Variants in TRAPPC11 observed in about 807,000 individuals in gnomAD.
The protein encoded by TRAPPC11 is trafficking protein particle complex subunit 11.
Under a neutral mutation model 151.2 loss-of-function variants are expected in TRAPPC11, and 104 were observed. The ratio of observed to expected loss-of-function variants is 0.69; its 90% CI spans 0.59 to 0.81. TRAPPC11 has a LOEUF of 0.81. Among genes scored for constraint, TRAPPC11 ranks in the 30% least tolerant of loss-of-function variants. The probability of loss-of-function intolerance (pLI) is 0.00; values close to 1 mark genes in which losing one functional copy is unlikely to be tolerated. For missense variants in TRAPPC11, 1,230 were observed against 1,349.6 expected (o/e 0.91, Z 1.39); for synonymous variants, 456 against 472.3 (o/e 0.97, Z 0.45).
chr4:183,661,612 C>T (rs1734547797), intron 1 of TRAPPC11, among the ~76,000 whole-genome samples: 10 of 151,430 alleles, frequency 6.6e-5, no homozygotes, highest in South Asian at 4.2e-4. Context: ...ACCTTGTGAT[C>T]CGCCCGCCTC....
At chr4:183,710,488 AT>A (rs1737288996) in intron 29 of TRAPPC11, among the ~76,000 whole-genome samples, 1 of 151,394 alleles carries the variant, frequency 6.6e-6, no homozygotes, top group Non-Finnish European at 1.5e-5. Flanking sequence ...GGGTTTCACC[AT>A]GTTAGCCAGG....
At chr4:183,686,529 CT>C (rs1468854579) in intron 17 of TRAPPC11, 88 bp from the exon 18 acceptor site, 1 of 1,496,180 alleles carries the variant, frequency 6.7e-7, no homozygotes, top group Non-Finnish European at 9.1e-7. Context: ...GCAGATGTGT[CT>C]TTCTGAAGAA....
intron 1 of TRAPPC11, among the ~76,000 whole-genome samples, chr4:183,661,523 C>T (rs1224969184): frequency 6.6e-6 from 1 of 151,192 alleles, no homozygotes; most frequent in Non-Finnish European, 1.5e-5. Context: ...AGGCGCCCAC[C>T]ACCATACTCG....
At chr4:183,692,740 G>A (rs1348766758) in intron 19 of TRAPPC11, among the ~76,000 whole-genome samples, 2 of 152,132 alleles carry the variant, frequency 1.3e-5, no homozygotes, top group Non-Finnish European at 2.9e-5. Flanking sequence ...TCAGGTTAGT[G>A]TCTCTGTTTT....
intron 5 of TRAPPC11, among the ~76,000 whole-genome samples, chr4:183,668,569 T>A (rs558966724): frequency 2.0e-5 from 3 of 152,230 alleles, no homozygotes; most frequent in African/African-American, 7.2e-5. Flanking sequence ...TTGAGTGACA[T>A]GTATGTCCTT....
intron 5 of TRAPPC11, among the ~76,000 whole-genome samples, chr4:183,670,194 T>C (rs1182590881): frequency 1.3e-5 from 2 of 152,196 alleles, no homozygotes; most frequent in Non-Finnish European, 2.9e-5. Flanking sequence ...TTCGAGGTAT[T>C]ACCTATACAT....
At chr4:183,665,953 G>A (rs1013368844) in intron 2 of TRAPPC11, among the ~76,000 whole-genome samples, 6 of 120,390 alleles carry the variant, frequency 5.0e-5, no homozygotes, top group African/African-American at 1.8e-4. Flanking sequence ...TTTTTCTTTA[G>A]CAAAGTATTT....
chr4:183,677,424 C>A, intron 7 of TRAPPC11, 34 bp from the exon 8 acceptor site: 1 of 1,253,236 alleles, frequency 8.0e-7, no homozygotes, highest in Non-Finnish European at 1.2e-6. Flanking sequence ...GTTTATTAAA[C>A]TAATTTATAT....
rs779673117 is a variant in TRAPPC11 at position 183,684,737 on chromosome 4, G to T, written c.1463G>T (p.Trp488Leu). 53 of 1,613,830 alleles carry T rather than the reference G, an allele frequency of 3.3e-5. No individual in the cohort carries two copies. Among genetic ancestry groups the T allele is most frequent in the Non-Finnish European group, 3.1e-5 (37 of 1,179,932 alleles). Residue 488 changes from tryptophan (W) to leucine (L), a missense_variant, in exon 15 of 30, where the codon TGG becomes TTG. Transcript: ENST00000334690. The part of the protein sequence containing the change: ...YVMCDYRSEG[W>L]WTLLTSVLTT... ...ATGTGTGATTATCGGAGTGAAGGAT[G>T]GTGGACTCTGCTCACTTCTGTATTA...
chr4:183,711,224 T>C (rs1291738964), intron 29 of TRAPPC11, among the ~76,000 whole-genome samples: 1 of 152,170 alleles, frequency 6.6e-6, no homozygotes, highest in African/African-American at 2.4e-5. Flanking sequence ...TATTAAACTT[T>C]AGAGCTATGC....
At chr4:183,685,485 A>G in intron 17 of TRAPPC11, 82 bp downstream of exon 17, 2 of 1,462,604 alleles carry the variant, frequency 1.4e-6, no homozygotes, top group Admixed American at 3.9e-5. Context: ...TAATAAATAT[A>G]AAAGTCAAGA....
In TRAPPC11 at chr4:183,694,007, T is replaced by C. The variant is rs753861338; in HGVS notation, c.2477T>C (p.Ile826Thr). Residue 826 changes from isoleucine to threonine, a missense_variant, in exon 22 of 30, where the codon ATT (isoleucine) becomes ACT (threonine). Coordinates refer to ENST00000334690, the MANE Select transcript of TRAPPC11 (RefSeq NM_021942.6). Reference protein sequence around the residue: ...DESYPALLTDIPVGDLHPGEQ... With the variant: ...DESYPALLTDTPVGDLHPGEQ... ...TCCTACCCGGCTTTACTCACTGACATTCCTGTTGGAGACTTACATCCAGGG... is the reference window on the plus strand; with the variant it reads ...TCCTACCCGGCTTTACTCACTGACACTCCTGTTGGAGACTTACATCCAGGG... The C allele has an allele frequency of 6.2e-7, 1 of 1,614,044 alleles. No individual in the cohort carries two copies. Among genetic ancestry groups the C allele is most frequent in the Non-Finnish European group, 8.5e-7 (1 of 1,179,880 alleles).
intron 26 of TRAPPC11, among the ~76,000 whole-genome samples, chr4:183,702,836 A>G (rs2111090774): frequency 6.6e-6 from 1 of 152,302 alleles, no homozygotes; most frequent in Non-Finnish European, 1.5e-5. Flanking sequence ...AATAAAATGT[A>G]TTACTTAAAA....
chr4:183,708,438 A>T lies in TRAPPC11; in HGVS notation c.3221A>T (p.Gln1074Leu). The change falls in exon 29 of 30, where the codon CAG (glutamine) becomes CTG (leucine). Residue 1074 changes from glutamine to leucine, a missense_variant. Coordinates refer to ENST00000334690, the MANE Select transcript of TRAPPC11 (RefSeq NM_021942.6). ...TTACGTATCCTCCCTGGCACGGAGC[A>T]GGAAATGCTATATAATTTCTATCCT... The part of the protein sequence containing the change: ...IRLRILPGTE[Q>L]EMLYNFYPLM... The T allele has an allele frequency of 1.9e-6, 3 of 1,613,950 alleles. No homozygotes were observed. Among genetic ancestry groups the T allele is most frequent in the Non-Finnish European group, 2.5e-6 (3 of 1,179,956 alleles).
At chr4:183,685,177 A>G (rs749271484) in intron 16 of TRAPPC11, 32 bp downstream of exon 16, 2 of 1,612,170 alleles carry the variant, frequency 1.2e-6, no homozygotes, top group East Asian at 2.2e-5. Flanking sequence ...AGAGTGTGTT[A>G]TTAGGAATAT....
chr4:183,704,913 G>C (rs142366070), intron 26 of TRAPPC11, 66 bp from the exon 27 acceptor site: 241 of 1,040,158 alleles, frequency 2.3e-4, no homozygotes, highest in African/African-American at 2.2e-3. Context: ...TGTTTTTGAT[G>C]AACTTCTTTC....
intron 7 of TRAPPC11, 130 bp from the exon 8 acceptor site, chr4:183,677,328 C>A: frequency 1.5e-6 from 1 of 663,698 alleles, no homozygotes; most frequent in Non-Finnish European, 2.7e-6. Flanking sequence ...ATCAGGAAAT[C>A]AGAGATTGAC....
Position 183,684,228 on chromosome 4 carries a change from G to A in TRAPPC11, c.1366+5G>A, listed in dbSNP as rs774025662. ...CGCGAATGAAAAGTCACCTAAGTAT[G>A]TATCCACAAACGTCACCATTGCATG... On this transcript the variant is annotated splice_donor_5th_base_variant and intron_variant, in intron 13 of 29. Transcript: ENST00000334690. The A allele has an allele frequency of 1.7e-5, 28 of 1,613,584 alleles. No individual in the cohort carries two copies. The South Asian group carries it at 2.7e-4, about 16-fold the overall frequency.
At chr4:183,689,805 CA>C (rs1561049579) in intron 18 of TRAPPC11, among the ~76,000 whole-genome samples, 1 of 146,290 alleles carries the variant, frequency 6.8e-6, no homozygotes, top group South Asian at 2.2e-4. Flanking sequence ...TTTTTTTCAA[CA>C]AAAAATATAA....
Sources: gnomAD v4.1 joint callset for allele counts (sites outside exome capture counted in the v4.1 genomes callset) on GRCh38, gnomAD v4.1.1 for gene constraint, MANE v1.5 for transcripts, NCBI Gene and HGNC (gene_info 2026-07-23, HGNC 2026-07-21) for gene names.